The following MYPN variants were observed in gnomAD, a reference collection of about 807,000 sequenced individuals.
MYPN encodes the protein myopalladin.
A neutral mutation model predicts 129.4 loss-of-function variants in MYPN; 63 were observed. The ratio of observed to expected loss-of-function variants is 0.49; its 90% CI spans 0.40 to 0.60. The LOEUF (loss-of-function observed/expected upper bound fraction) is 0.60. Among genes scored for constraint, MYPN ranks in the 20% least tolerant of loss-of-function variants. The pLI is 0.00. For synonymous variants in MYPN, 629 were observed against 600.9 expected (o/e 1.05, Z -0.68); for missense variants, 1,596 against 1,635.4 (o/e 0.98, Z 0.42).
chr10:68,196,120 G>A (rs1256244154), intron 15 of MYPN, among the ~76,000 whole-genome samples: 1 of 152,118 alleles, frequency 6.6e-6, no homozygotes, highest in African/African-American at 2.4e-5. Flanking sequence ...TGCTTTTAAT[G>A]GTTCAAAATT....
chr10:68,173,202 C>T (rs1270323527), intron 10 of MYPN, among the ~76,000 whole-genome samples: 1 of 152,180 alleles, frequency 6.6e-6, no homozygotes, highest in Non-Finnish European at 1.5e-5. Context: ...AATGAGAAAC[C>T]TCTCTGAGAC....
intron 1 of MYPN, among the ~76,000 whole-genome samples, chr10:68,092,894 TGAGAGA>T: frequency 6.6e-6 from 1 of 152,290 alleles, no homozygotes; most frequent in East Asian, 1.9e-4. Flanking sequence ...GTATAGCTAG[TGAGAGA>T]TAGAGCTGGG....
At chr10:68,175,914 T>A (rs1216497520) in intron 12 of MYPN, among the ~76,000 whole-genome samples, 3 of 151,958 alleles carry the variant, frequency 2.0e-5, no homozygotes, top group East Asian at 1.9e-4. Flanking sequence ...CTAATTTTTT[T>A]AATTTTTTGT....
chr10:68,142,579 A>G (rs1194276152), intron 2 of MYPN, among the ~76,000 whole-genome samples: 2 of 152,222 alleles, frequency 1.3e-5, no homozygotes, highest in Non-Finnish European at 2.9e-5. Context: ...AGATTCTCTC[A>G]TATAAGCGAA....
At chr10:68,096,493 C>T (rs1014765066) in intron 1 of MYPN, among the ~76,000 whole-genome samples, 3 of 152,238 alleles carry the variant, frequency 2.0e-5, no homozygotes, top group Middle Eastern at 3.4e-3. Flanking sequence ...ACCTGGGAGG[C>T]GGAGGTTGCA....
intron 6 of MYPN, among the ~76,000 whole-genome samples, chr10:68,157,882 TA>T (rs909048548): frequency 1.8e-4 from 24 of 131,452 alleles, no homozygotes; most frequent in Admixed American, 5.3e-4. Flanking sequence ...CCCCGACCAA[TA>T]AAAAAAAAAC....
rs572375465 is a variant in MYPN at position 68,195,031 on chromosome 10, C to T, written c.3076-419C>T. ...CTTAAAATTCCCCTAAAAGATGTGGCAGAATAAACATCTTCAATTACTATT... is the reference window on the plus strand; with the variant it reads ...CTTAAAATTCCCCTAAAAGATGTGGTAGAATAAACATCTTCAATTACTATT... On this transcript the variant is annotated intron_variant, in intron 14 of 19. Transcript: ENST00000358913. 4.6e-5 allele frequency among the ~76,000 whole-genome samples: 7 copies of T among 152,260 alleles called. No individual in the cohort carries two copies. In the South Asian group the frequency reaches 1.5e-3, roughly 32 times the overall value.
upstream of MYPN, among the ~76,000 whole-genome samples, chr10:68,104,778 ATTTC>A (rs572341526): frequency 1.4e-3 from 214 of 151,952 alleles, no homozygotes; most frequent in Admixed American, 2.3e-3. Flanking sequence ...ATTTTCTATT[ATTTC>A]TTTCTTTATT....
Position 68,210,882 on chromosome 10 carries a change from G to A in MYPN, c.*427G>A, listed in dbSNP as rs1176771947. The A allele has an allele frequency of 5.3e-5, 24 of 455,654 alleles. No homozygotes were observed. Among genetic ancestry groups the A allele is most frequent in the Middle Eastern group, 1.4e-3 (2 of 1,472 alleles). The allele number at this position is 455,654 out of a possible 1,614,324, so 28.2% of individuals were successfully genotyped here. ...ACCAAACAATGCCAAGGAGAAAGGC[G>A]GACAGGTCACCATCACCTTTCATCG... On this transcript the variant is annotated 3_prime_UTR_variant, in exon 20 of 20. Coordinates refer to ENST00000358913, the MANE Select transcript of MYPN (RefSeq NM_032578.4).
intron 13 of MYPN, among the ~76,000 whole-genome samples, chr10:68,189,718 A>AT (rs746831730): frequency 2.0e-4 from 30 of 152,240 alleles, no homozygotes; most frequent in Non-Finnish European, 4.3e-4. Flanking sequence ...TTATAGCAGA[A>AT]TAATATTCCA....
At chr10:68,135,892 G>C (rs933194102) in intron 2 of MYPN, among the ~76,000 whole-genome samples, 2 of 151,958 alleles carry the variant, frequency 1.3e-5, no homozygotes, top group Admixed American at 6.6e-5. Flanking sequence ...AATATATAAG[G>C]GTTCTGGAAA....
intron 15 of MYPN, 96 bp from the exon 16 acceptor site, chr10:68,197,256 C>T: frequency 4.8e-6 from 6 of 1,255,912 alleles, no homozygotes; most frequent in South Asian, 3.9e-5. Flanking sequence ...AAAAAAAAAT[C>T]TGTTCTCTAG....
At chr10:68,144,603 A>G (rs2042631406) in intron 3 of MYPN, among the ~76,000 whole-genome samples, 1 of 152,066 alleles carries the variant, frequency 6.6e-6, no homozygotes, top group African/African-American at 2.4e-5. Flanking sequence ...TAAATCCAGG[A>G]TCAAAGCTCT....
chr10:68,105,225 A>G (rs1321859191), upstream of MYPN, among the ~76,000 whole-genome samples: 1 of 152,212 alleles, frequency 6.6e-6, no homozygotes, highest in Admixed American at 6.5e-5. Context: ...ACCTTGGGCA[A>G]GTTTTAAACT....
intron 19 of MYPN, among the ~76,000 whole-genome samples, chr10:68,208,082 T>C (rs1026324711): frequency 6.6e-6 from 1 of 152,254 alleles, no homozygotes; most frequent in African/African-American, 2.4e-5. Flanking sequence ...TTTATGTATT[T>C]GTGTGCTCAA....
intron 5 of MYPN, among the ~76,000 whole-genome samples, chr10:68,148,758 G>C (rs2042714400): frequency 6.6e-6 from 1 of 152,192 alleles, no homozygotes; most frequent in East Asian, 1.9e-4. Flanking sequence ...TCAGCTCTCA[G>C]ACTGGCCTAG....
At chr10:68,164,635 T>G (rs941241483) in intron 8 of MYPN, among the ~76,000 whole-genome samples, 2 of 152,156 alleles carry the variant, frequency 1.3e-5, no homozygotes, top group African/African-American at 4.8e-5. Context: ...TTCAATGGAG[T>G]GATAACTGGA....
upstream of MYPN, among the ~76,000 whole-genome samples, chr10:68,102,470 AC>A (rs1345585053): frequency 2.0e-5 from 3 of 152,014 alleles, no homozygotes; most frequent in Non-Finnish European, 2.9e-5. Flanking sequence ...ATGTTTTCTC[AC>A]AAAAAATGAG....
rs746600159 is a variant in MYPN at position 68,210,297 on chromosome 10, C to T, written c.3805C>T (p.His1269Tyr). 2 of 1,613,422 alleles carry T rather than the reference C, an allele frequency of 1.2e-6. No homozygotes were observed. The highest frequency in any genetic ancestry group is 1.7e-6 in the Non-Finnish European group (2 of 1,180,034). Residue 1269 changes from histidine to tyrosine, a missense_variant, in exon 20 of 20, where the codon CAT becomes TAT. Coordinates refer to ENST00000358913, the MANE Select transcript of MYPN (RefSeq NM_032578.4). ...GGTCCATTTTCCAGCTCAGTGGCAC[C>T]ATCAGATCCCACCGCCCATGTCTGT... ...ARLDIYAQWH[H>Y]QIPPPMSVRP...
Sources: gnomAD v4.1 joint callset for allele counts (sites outside exome capture counted in the v4.1 genomes callset) on GRCh38, gnomAD v4.1.1 for gene constraint, MANE v1.5 for transcripts, NCBI Gene and HGNC (gene_info 2026-07-23, HGNC 2026-07-21) for gene names.